KLF13: variants seen among roughly 807,000 people sequenced by gnomAD.
The protein encoded by KLF13 is KLF transcription factor 13, also known as Krueppel-like factor 13.
A neutral mutation model predicts 16.7 loss-of-function variants in KLF13; 8 were observed. The observed-to-expected ratio is 0.48, with a 90% CI of 0.28 to 0.87. The LOEUF (loss-of-function observed/expected upper bound fraction) is 0.87, where lower values mean the gene tolerates loss of function less well. Among genes scored for constraint, KLF13 ranks in the 40% least tolerant of loss-of-function variants. The pLI is 0.10. For missense variants in KLF13, 447 were observed against 452.2 expected (o/e 0.99, Z 0.10); for synonymous variants, 245 against 208.4 (o/e 1.18, Z -1.51).
At chr15:31,397,007 A>G (rs984262933) in intron 2 of KLF13, among the ~76,000 whole-genome samples, 21 of 152,068 alleles carry the variant, frequency 1.4e-4, no homozygotes, top group Admixed American at 5.2e-4. Context: ...TGTCTGGGTT[A>G]TAATTTTGCA....
intron 1 of KLF13, among the ~76,000 whole-genome samples, chr15:31,385,156 G>C (rs564388369): frequency 6.6e-6 from 1 of 152,172 alleles, no homozygotes; most frequent in Non-Finnish European, 1.5e-5. Context: ...GGATCTGTCC[G>C]CACCTTGATA....
At position 31,338,353 on chromosome 15, in the gene KLF13, G is replaced by A. The variant is rs184444813; in HGVS notation, c.577+10564G>A. Reference sequence around the variant, plus strand: ...GTATATATGCCCGTATTTGCAGCATGTGTGTATGTGCTTGTATATGCGCAT... The same window carrying A: ...GTATATATGCCCGTATTTGCAGCATATGTGTATGTGCTTGTATATGCGCAT... On this transcript the variant is annotated intron_variant, in intron 1 of 1. Coordinates refer to ENST00000307145, the MANE Select transcript of KLF13 (RefSeq NM_015995.4). Among the ~76,000 whole-genome samples the A allele has an allele frequency of 2.6e-5, 4 of 152,300 alleles. No individual in the cohort carries two copies. The East Asian group carries it at 5.8e-4, about 22-fold the overall frequency.
At position 31,341,946 on chromosome 15, in the gene KLF13, C is replaced by T. The variant is rs148199033; in HGVS notation, c.577+14157C>T. 1.1e-3 allele frequency among the ~76,000 whole-genome samples: 166 copies of T among 152,326 alleles called. 1 individual carries two copies. Among genetic ancestry groups the T allele is most frequent in the African/African-American group, 3.6e-3 (149 of 41,580 alleles). ...GCATCCTGTTGTTGCTATGGAGACC[C>T]TGTTGCTAGACATCAGGCATGCTCA... On this transcript the variant is annotated intron_variant, in intron 1 of 1. Transcript: ENST00000307145.
intron 1 of KLF13, among the ~76,000 whole-genome samples, chr15:31,341,420 T>C (rs1255553707): frequency 3.3e-5 from 5 of 152,162 alleles, no homozygotes; most frequent in Admixed American, 6.5e-5. Flanking sequence ...CCCTGCAGTA[T>C]TGTTCATGGG....
exon 3 of KLF13, chr15:31,404,481 A>G (rs1474157299): frequency 6.6e-6 from 1 of 152,232 alleles, no homozygotes; most frequent in African/African-American, 2.4e-5. Context: ...TCTAAAATGG[A>G]CCAATCAGTG....
At chr15:31,390,235 G>T (rs2039844135), upstream of KLF13, among the ~76,000 whole-genome samples, 1 of 152,084 alleles carries the variant, frequency 6.6e-6, no homozygotes, top group South Asian at 2.1e-4. Flanking sequence ...CCCTCTGGTG[G>T]ATCACTCAAG....
intron 1 of KLF13, among the ~76,000 whole-genome samples, chr15:31,361,355 A>G (rs186102280): frequency 6.6e-6 from 1 of 152,242 alleles, no homozygotes; most frequent in Non-Finnish European, 1.5e-5. Context: ...TGGTGAGGTC[A>G]CTTGGTTTCT....
At position 31,353,340 on chromosome 15, in the gene KLF13, C is replaced by G. The variant is rs1416674502; in HGVS notation, c.578-18670C>G. On this transcript the variant is annotated intron_variant, in intron 1 of 1. Transcript: ENST00000307145. ...AAACCTGTCCCAGGCGTTCTGTAAC[C>G]GTAGCTGCAGGTGCTCTGGGTGTTG... is the stretch of plus-strand genomic sequence containing the variant. Among the ~76,000 whole-genome samples the G allele has an allele frequency of 3.3e-5, 5 of 152,244 alleles. No homozygotes were observed. In the East Asian group the frequency reaches 5.8e-4, roughly 18 times the overall value.
In KLF13 at chr15:31,385,147, G is replaced by A. The variant is rs1228994663; in HGVS notation, n.224-50223G>A. 2.0e-5 allele frequency among the ~76,000 whole-genome samples: 3 copies of A among 152,176 alleles called. No homozygotes were observed. In the East Asian group the frequency reaches 5.8e-4, roughly 29 times the overall value. ...GGAGGAGAGCCCCCACCAGACGCTG[G>A]ATCTGTCCGCACCTTGATATTGGAC... is the stretch of plus-strand genomic sequence containing the variant. On this transcript the variant is annotated intron_variant and non_coding_transcript_variant, in intron 1 of 1. Transcript: ENST00000558921.
At chr15:31,419,122 A>C (rs1399716731) in intron 1 of KLF13, among the ~76,000 whole-genome samples, 1 of 152,148 alleles carries the variant, frequency 6.6e-6, no homozygotes, top group Non-Finnish European at 1.5e-5. Flanking sequence ...ATCCCCCCAG[A>C]AAAGGCTTGA....
intron 1 of KLF13, among the ~76,000 whole-genome samples, chr15:31,359,138 T>C (rs927358422): frequency 1.3e-5 from 2 of 152,206 alleles, no homozygotes; most frequent in African/African-American, 4.8e-5. Flanking sequence ...GAAGCTTCTG[T>C]GGCAAGGGGC....
In KLF13 at chr15:31,327,543, G is replaced by C. The variant is rs1361004653; in HGVS notation, c.331G>C (p.Glu111Gln). ...CCCCGAGCCCACCTCCCCCGGCGCC[G>C]AAGGCGCGGCGGCCGCGCCCCCCAG... Reference protein sequence around the residue: ...PAPEPTSPGAEGAAAAPPSPA... With the variant: ...PAPEPTSPGAQGAAAAPPSPA... Residue 111 changes from glutamate (E) to glutamine (Q), a missense_variant, in exon 1 of 2, where the codon GAA (glutamate) becomes CAA (glutamine). Coordinates refer to ENST00000307145, the MANE Select transcript of KLF13 (RefSeq NM_015995.4). 1.8e-6 allele frequency: 2 copies of C among 1,104,402 alleles called. No individual in the cohort carries two copies. The highest frequency in any genetic ancestry group is 5.1e-5 in the East Asian group (1 of 19,670). 68.4% of individuals were successfully genotyped at this position (1,104,402 alleles called of 1,614,324 possible). A position where few individuals can be genotyped will look rare whatever the true frequency, so the allele number is the denominator to read the frequency against.
At chr15:31,364,562 A>G (rs1170536397) in intron 1 of KLF13, among the ~76,000 whole-genome samples, 1 of 152,276 alleles carries the variant, frequency 6.6e-6, no homozygotes, top group Non-Finnish European at 1.5e-5. Context: ...ACTGTGCAGC[A>G]GGCATGTGCC....
chr15:31,356,930 A>G lies in KLF13; in HGVS notation c.578-15080A>G, dbSNP rs919734864. Among the ~76,000 whole-genome samples, 9 of 152,058 alleles carry G rather than the reference A, an allele frequency of 5.9e-5. No homozygotes were observed. The East Asian group carries it at 1.7e-3, about 29-fold the overall frequency. ...GTGGCATCTGGAAAACATTCTTGCCACTTTCTTCACGATCACCTCACCTCC... is the reference window on the plus strand; with the variant it reads ...GTGGCATCTGGAAAACATTCTTGCCGCTTTCTTCACGATCACCTCACCTCC... On this transcript the variant is annotated intron_variant, in intron 1 of 1. Transcript: ENST00000307145.
At chr15:31,427,346 A>G (rs1468234588) in intron 1 of KLF13, among the ~76,000 whole-genome samples, 2 of 152,224 alleles carry the variant, frequency 1.3e-5, no homozygotes, top group African/African-American at 2.4e-5. Context: ...AACAAAAAAC[A>G]AAACAAAAAA....
intron 1 of KLF13, chr15:31,420,644 C>A: frequency 2.6e-6 from 1 of 387,584 alleles, no homozygotes; most frequent in South Asian, 2.2e-5. Context: ...AAGCAGGTTA[C>A]CAGCCAGGAC....
intron 1 of KLF13, among the ~76,000 whole-genome samples, chr15:31,368,430 C>T (rs953543713): frequency 3.3e-5 from 5 of 152,036 alleles, no homozygotes; most frequent in Non-Finnish European, 7.4e-5. Context: ...TTTCTGGAAA[C>T]GATAAACAGT....
intron 1 of KLF13, among the ~76,000 whole-genome samples, chr15:31,425,951 CT>C (rs1439944206): frequency 6.6e-6 from 1 of 152,178 alleles, no homozygotes; most frequent in Admixed American, 6.5e-5. Context: ...TTAGAAATTT[CT>C]TCCACAAGAT....
chr15:31,404,802 C>T (rs890397816), downstream of KLF13: 2 of 152,408 alleles, frequency 1.3e-5, no homozygotes, highest in African/African-American at 4.8e-5. Flanking sequence ...TTCTTGCGGT[C>T]AGCGAGACCA....
Sources: gnomAD v4.1 joint callset for allele counts (sites outside exome capture counted in the v4.1 genomes callset) on GRCh38, gnomAD v4.1.1 for gene constraint, MANE v1.5 for transcripts, NCBI Gene and HGNC (gene_info 2026-07-23, HGNC 2026-07-21) for gene names.